Variants in DNM1L observed in about 807,000 individuals in gnomAD.
DNM1L encodes dynamin 1L.
A neutral mutation model predicts 92.8 loss-of-function variants in DNM1L; 33 were observed. The ratio of observed to expected loss-of-function variants is 0.36; its 90% CI spans 0.27 to 0.48. The LOEUF is 0.48. Ranked by LOEUF, DNM1L falls within the 20% of genes least tolerant of loss-of-function variation. DNM1L has a pLI of 0.99. For synonymous variants in DNM1L, 284 were observed against 305.0 expected (o/e 0.93, Z 0.72); for missense variants, 485 against 888.8 (o/e 0.55, Z 5.78).
intron 7 of DNM1L, among the ~76,000 whole-genome samples, chr12:32,719,753 ACT>A (rs1485686463): frequency 1.3e-5 from 2 of 152,158 alleles, no homozygotes; most frequent in Non-Finnish European, 2.9e-5. Flanking sequence ...CGTTTTAGAC[ACT>A]CTACTGTGAG....
rs765597940 is a variant in DNM1L at position 32,720,799 on chromosome 12, AT to A, written c.872+11del. 2 of 1,612,596 alleles carry A rather than the reference AT, an allele frequency of 1.2e-6. No individual in the cohort carries two copies. The highest frequency in any genetic ancestry group is 1.7e-6 in the Non-Finnish European group (2 of 1,179,728). On this transcript the variant is annotated splice_donor_5th_base_variant and intron_variant, in intron 8 of 19. Transcript: ENST00000549701. ...ATCTTGCTAGGACTCTAAACAGGTAATTTTTTTACCTTTTGGAAATGAGATG... is the reference window on the plus strand; with the variant it reads ...ATCTTGCTAGGACTCTAAACAGGTAATTTTTTACCTTTTGGAAATGAGATG...
In DNM1L at chr12:32,712,414, T is replaced by G. The variant is rs368531178; in HGVS notation, c.457-795T>G. ...TTGGCTTAATTTCTGCTCATTCTCT[T>G]AAGTGTCAGTTGTCTCAGTGAAGTT... is the stretch of plus-strand genomic sequence containing the variant. On this transcript the variant is annotated intron_variant, in intron 5 of 19. Transcript: ENST00000549701. Among the ~76,000 whole-genome samples the G allele has an allele frequency of 2.7e-4, 41 of 152,254 alleles. No individual in the cohort carries two copies. The Middle Eastern group carries it at 0.024, about 88-fold the overall frequency.
intron 9 of DNM1L, among the ~76,000 whole-genome samples, chr12:32,724,666 A>G (rs1954015918): frequency 7.1e-6 from 1 of 141,038 alleles, no homozygotes; most frequent in South Asian, 2.2e-4. Context: ...ATATATATAA[A>G]AAATAATAAT....
intron 1 of DNM1L, among the ~76,000 whole-genome samples, chr12:32,683,134 A>T (rs1207981757): frequency 6.6e-6 from 1 of 152,244 alleles, no homozygotes; most frequent in African/African-American, 2.4e-5. Flanking sequence ...TAGTGTTCCT[A>T]GTAATGTACT....
intron 7 of DNM1L, among the ~76,000 whole-genome samples, chr12:32,719,769 T>C (rs768415234): frequency 6.6e-6 from 1 of 152,144 alleles, no homozygotes; most frequent in African/African-American, 2.4e-5. Flanking sequence ...CTGTGAGCAA[T>C]TTGCAAATGG....
chr12:32,679,914 T>G (rs948268717), intron 1 of DNM1L: 1 of 986,550 alleles, frequency 1.0e-6, no homozygotes, highest in Non-Finnish European at 1.2e-6. Flanking sequence ...GGGTGTTTTA[T>G]TTCCCTCCTT....
At chr12:32,742,540 T>TA (rs757500719) in intron 18 of DNM1L, 49 bp from the exon 19 acceptor site, 7 of 1,612,340 alleles carry the variant, frequency 4.3e-6, no homozygotes, top group Non-Finnish European at 5.9e-6. Context: ...CCCAAATTGT[T>TA]AAAAGTAGAA....
intron 1 of DNM1L, among the ~76,000 whole-genome samples, chr12:32,684,613 C>T (rs893733631): frequency 6.6e-6 from 1 of 152,142 alleles, no homozygotes; most frequent in African/African-American, 2.4e-5. Context: ...ATTACAGGCG[C>T]GTGCTACCGC....
intron 6 of DNM1L, among the ~76,000 whole-genome samples, chr12:32,717,559 C>T (rs1222262780): frequency 8.4e-6 from 1 of 119,122 alleles, no homozygotes; most frequent in Non-Finnish European, 1.6e-5. Flanking sequence ...TGGCATTTTT[C>T]AGTTACAAAT....
At chr12:32,725,584 A>G (rs1309914465) in intron 9 of DNM1L, 1 of 152,166 alleles carries the variant, frequency 6.6e-6, no homozygotes, top group Admixed American at 6.5e-5. Flanking sequence ...AAGTTCTTAA[A>G]TTCTTAACCA....
chr12:32,723,429 GCT>G (rs1223392322), intron 9 of DNM1L, among the ~76,000 whole-genome samples: 1 of 152,182 alleles, frequency 6.6e-6, no homozygotes, highest in Non-Finnish European at 1.5e-5. Context: ...AGGCACAGTG[GCT>G]CATGCCTGTA....
At chr12:32,736,771 T>C (rs757899276) in intron 13 of DNM1L, among the ~76,000 whole-genome samples, 15 of 152,220 alleles carry the variant, frequency 9.9e-5, no homozygotes, top group Non-Finnish European at 1.8e-4. Context: ...TCCACATTTA[T>C]GTGAGGACAG....
chr12:32,699,796 CAAAA>C (rs34943495), intron 1 of DNM1L, among the ~76,000 whole-genome samples: 2 of 73,594 alleles, frequency 2.7e-5, no homozygotes, highest in Non-Finnish European at 5.7e-5. Flanking sequence ...GACTCCATCT[CAAAA>C]AAAAAAAAAA....
In DNM1L at chr12:32,743,418, T is replaced by G. The variant is rs1027722544; in HGVS notation, c.*8T>G. On this transcript the variant is annotated 3_prime_UTR_variant, in exon 20 of 20. Coordinates refer to ENST00000549701, the MANE Select transcript of DNM1L (RefSeq NM_012062.5). ...GAGACTCATCTTTGGTGAAGAGAAC[T>G]ATGTAATACTGAGACTTTGTTGACT... is the stretch of plus-strand genomic sequence containing the variant. 6.2e-7 allele frequency: 1 copy of G among 1,613,316 alleles called. No homozygotes were observed. The highest frequency in any genetic ancestry group is 2.2e-5 in the East Asian group (1 of 44,852).
chr12:32,740,575 C>A, intron 18 of DNM1L, 57 bp downstream of exon 18: 1 of 1,444,726 alleles, frequency 6.9e-7, no homozygotes, highest in Non-Finnish European at 9.6e-7. Context: ...ATTCTGTGAT[C>A]TGTTTTGAAA....
chr12:32,700,323 T>C (rs1245305066), intron 1 of DNM1L, among the ~76,000 whole-genome samples: 2 of 152,102 alleles, frequency 1.3e-5, no homozygotes, highest in African/African-American at 4.8e-5. Flanking sequence ...TTTTGCCATG[T>C]TGGCCAGGCT....
At chr12:32,728,141 A>T (rs534953907) in intron 9 of DNM1L, 43 of 152,436 alleles carry the variant, frequency 2.8e-4, no homozygotes, top group African/African-American at 9.9e-4. Flanking sequence ...GACATCTTGC[A>T]TAACTATAGT....
chr12:32,711,567 T>TA, intron 5 of DNM1L, among the ~76,000 whole-genome samples: 1 of 152,188 alleles, frequency 6.6e-6, no homozygotes, highest in East Asian at 1.9e-4. Context: ...TGGCAACTCA[T>TA]AAAAAAGCTG....
In DNM1L at chr12:32,745,255, A is replaced by G. The variant is rs1236664085; in HGVS notation, c.*1845A>G. 7.7e-6 allele frequency: 2 copies of G among 260,286 alleles called. No homozygotes were observed. The highest frequency in any genetic ancestry group is 4.6e-5 in the African/African-American group (2 of 43,104). 16.1% of individuals were successfully genotyped at this position (260,286 alleles called of 1,614,324 possible). A position where few individuals can be genotyped will look rare whatever the true frequency, so the allele number is the denominator to read the frequency against. On this transcript the variant is annotated 3_prime_UTR_variant, in exon 20 of 20. Coordinates refer to ENST00000549701, the MANE Select transcript of DNM1L (RefSeq NM_012062.5). ...GATTTACTTTTTCCAGATGACTATC[A>G]TTATTCTAGTCCTTTGAATTTGTAA...
Sources: gnomAD v4.1 joint callset for allele counts (sites outside exome capture counted in the v4.1 genomes callset) on GRCh38, gnomAD v4.1.1 for gene constraint, MANE v1.5 for transcripts, NCBI Gene and HGNC (gene_info 2026-07-23, HGNC 2026-07-21) for gene names.